Variants in EFCAB8 observed in about 807,000 individuals in gnomAD.
EFCAB8 encodes EF-hand calcium binding domain 8.
EFCAB8 carries 100 observed loss-of-function variants against 116.3 expected under a neutral mutation model. The observed-to-expected ratio is 0.86, with a 90% CI of 0.73 to 1.02. The LOEUF (loss-of-function observed/expected upper bound fraction) is 1.02, where lower values mean the gene tolerates loss of function less well. Ranked by LOEUF, EFCAB8 falls within the 50% of genes least tolerant of loss-of-function variation. The pLI is 0.00. For missense variants in EFCAB8, 1,320 were observed against 1,416.9 expected (o/e 0.93, Z 1.10); for synonymous variants, 558 against 567.9 (o/e 0.98, Z 0.25).
chr20:32,887,118 G>C (rs1164544266), intron 6 of EFCAB8, among the ~76,000 whole-genome samples: 5 of 152,124 alleles, frequency 3.3e-5, no homozygotes, highest in Admixed American at 6.5e-5. Context: ...GGTGCTCTCT[G>C]AGTTCTGATG....
intron 17 of EFCAB8, among the ~76,000 whole-genome samples, chr20:32,916,440 G>T (rs1218540560): frequency 6.6e-6 from 1 of 151,806 alleles, no homozygotes; most frequent in African/African-American, 2.4e-5. Context: ...ATTTTTTTTT[G>T]TAGAGATGTG....
At chr20:32,906,127 T>A (rs1177374979) in intron 11 of EFCAB8, among the ~76,000 whole-genome samples, 1 of 152,172 alleles carries the variant, frequency 6.6e-6, no homozygotes, top group African/African-American at 2.4e-5. Flanking sequence ...CCCGGGAGCT[T>A]CCTTTCTGTC....
Position 32,930,390 on chromosome 20 carries a change from T to C in EFCAB8, c.2413-8T>C, listed in dbSNP as rs953479631. 11 of 1,548,702 alleles carry C rather than the reference T, an allele frequency of 7.1e-6. No individual in the cohort carries two copies. The highest frequency in any genetic ancestry group is 1.4e-5 in the African/African-American group (1 of 73,010). ...CCCTGCTGAGCCGGGCCCTCCTCTC[T>C]TCCTCAGATAATCTTCCTGCAGACC... On this transcript the variant is annotated splice_polypyrimidine_tract_variant and splice_region_variant and intron_variant, in intron 20 of 26. Transcript: ENST00000400522.
chr20:32,883,611 G>C (rs1480442822), intron 5 of EFCAB8, among the ~76,000 whole-genome samples: 4 of 152,092 alleles, frequency 2.6e-5, no homozygotes, highest in Non-Finnish European at 5.9e-5. Flanking sequence ...GCAACCATTT[G>C]AACATGAAGT....
At chr20:32,958,234 C>T (rs1040253842) in intron 23 of EFCAB8, among the ~76,000 whole-genome samples, 187 bp from the exon 24 acceptor site, 2 of 152,152 alleles carry the variant, frequency 1.3e-5, no homozygotes, top group African/African-American at 4.8e-5. Context: ...TTCTGTCTGG[C>T]TCATCCACAC....
rs1988479689 is a variant in EFCAB8 at position 32,943,679 on chromosome 20, T to A, written c.2834T>A (p.Leu945Gln). 2 of 417,086 alleles carry A rather than the reference T, an allele frequency of 4.8e-6. No individual in the cohort carries two copies. The highest frequency in any genetic ancestry group is 4.4e-5 in the Admixed American group (1 of 22,734). The allele number at this position is 417,086 out of a possible 1,614,324, so 25.8% of individuals were successfully genotyped here. ...HTISLVPPTL[L>Q]MTWKGHLNSV... ...ATTTCCCTGGTTCCCCCCACGCTCCTGATGACCTGGAAAGGCCATTTGAAT... is the reference window on the plus strand; with the variant it reads ...ATTTCCCTGGTTCCCCCCACGCTCCAGATGACCTGGAAAGGCCATTTGAAT... The change falls in exon 23 of 27, where the codon CTG (leucine) becomes CAG (glutamine). Residue 945 changes from leucine (L) to glutamine (Q), a missense_variant. Leu to Gln is a moderately radical substitution (Grantham distance 113). Transcript: ENST00000400522.
At chr20:32,882,420 A>C (rs1319995738) in intron 5 of EFCAB8, among the ~76,000 whole-genome samples, 1 of 152,244 alleles carries the variant, frequency 6.6e-6, no homozygotes, top group Non-Finnish European at 1.5e-5. Flanking sequence ...TTCCGGAATC[A>C]GTCCTGGGGT....
At chr20:32,956,620 C>T (rs1988971368) in intron 23 of EFCAB8, among the ~76,000 whole-genome samples, 1 of 152,040 alleles carries the variant, frequency 6.6e-6, no homozygotes, top group African/African-American at 2.4e-5. Context: ...CAGTGGTCTT[C>T]TGGTGTTGAT....
chr20:32,957,413 C>T (rs2146305794), intron 23 of EFCAB8, among the ~76,000 whole-genome samples: 1 of 152,142 alleles, frequency 6.6e-6, no homozygotes, highest in Middle Eastern at 3.4e-3. Context: ...GCTCTTTCCT[C>T]TGTATAGGGC....
At chr20:32,902,760 C>T (rs975173387) in intron 11 of EFCAB8, among the ~76,000 whole-genome samples, 6 of 152,244 alleles carry the variant, frequency 3.9e-5, no homozygotes, top group Non-Finnish European at 7.3e-5. Context: ...ACCCCAACCT[C>T]TGCCTCTGGA....
intron 1 of EFCAB8, 33 bp downstream of exon 1, chr20:32,859,039 C>G: frequency 2.1e-6 from 1 of 471,130 alleles, no homozygotes; most frequent in Non-Finnish European, 4.4e-6. Flanking sequence ...AGTTGCTCTC[C>G]AAAAGATTGG....
At chr20:32,956,318 A>G (rs1988963014) in intron 23 of EFCAB8, among the ~76,000 whole-genome samples, 1 of 151,946 alleles carries the variant, frequency 6.6e-6, no homozygotes, top group Non-Finnish European at 1.5e-5. Flanking sequence ...ATTTCCTTTT[A>G]TGGTTACTCA....
chr20:32,932,884 A>G (rs1039342055), intron 22 of EFCAB8, among the ~76,000 whole-genome samples: 1 of 152,176 alleles, frequency 6.6e-6, no homozygotes, highest in Non-Finnish European at 1.5e-5. Flanking sequence ...GAATCTCTAC[A>G]TGAGTATGTT....
chr20:32,930,036 A>G (rs1987834969), intron 20 of EFCAB8, among the ~76,000 whole-genome samples: 1 of 152,222 alleles, frequency 6.6e-6, no homozygotes, highest in Non-Finnish European at 1.5e-5. Flanking sequence ...CCTTCCCCAC[A>G]TCACTTTGGG....
intron 26 of EFCAB8, among the ~76,000 whole-genome samples, chr20:32,960,668 G>A (rs558591886): frequency 6.6e-6 from 1 of 152,176 alleles, no homozygotes; most frequent in East Asian, 1.9e-4. Context: ...CAGCCTCCCC[G>A]TCCTTGTCTG....
intron 17 of EFCAB8, among the ~76,000 whole-genome samples, chr20:32,914,396 G>C (rs1203324872): frequency 6.6e-6 from 1 of 152,206 alleles, no homozygotes; most frequent in Non-Finnish European, 1.5e-5. Flanking sequence ...TTGGAGAACA[G>C]CACTGGCTTC....
At chr20:32,867,853 G>C in intron 3 of EFCAB8, 106 bp downstream of exon 3, 1 of 1,274,874 alleles carries the variant, frequency 7.8e-7, no homozygotes, top group Non-Finnish European at 1.1e-6. Context: ...TTTTTTTTTT[G>C]TTTTTGAGAC....
At chr20:32,948,490 A>C (rs556787769) in intron 23 of EFCAB8, among the ~76,000 whole-genome samples, 1 of 150,858 alleles carries the variant, frequency 6.6e-6, no homozygotes, top group African/African-American at 2.4e-5. Context: ...ACTTGGTACC[A>C]AAATCTGACA....
At chr20:32,911,290 C>T (rs1200891624) in intron 15 of EFCAB8, among the ~76,000 whole-genome samples, 190 bp from the exon 16 acceptor site, 1 of 152,168 alleles carries the variant, frequency 6.6e-6, no homozygotes, top group Non-Finnish European at 1.5e-5. Flanking sequence ...CAGTGCGTTC[C>T]AGTTTGCACT....
Sources: gnomAD v4.1 joint callset for allele counts (sites outside exome capture counted in the v4.1 genomes callset) on GRCh38, gnomAD v4.1.1 for gene constraint, MANE v1.5 for transcripts, NCBI Gene and HGNC (gene_info 2026-07-23, HGNC 2026-07-21) for gene names.